The following THSD4 variants were observed in gnomAD, a reference collection of about 807,000 sequenced individuals.
THSD4 encodes thrombospondin type 1 domain containing 4, also known as thrombospondin type-1 domain-containing protein 4.
In THSD4, 69 loss-of-function variants were observed where a neutral mutation model predicts 119.0. The ratio of observed to expected loss-of-function variants is 0.58; its 90% CI spans 0.48 to 0.71. The LOEUF is 0.71. Ranked by LOEUF, THSD4 falls within the 30% of genes least tolerant of loss-of-function variation. THSD4 has a pLI of 0.00. For missense variants in THSD4, 1,393 were observed against 1,391.1 expected (o/e 1.00, Z -0.02); for synonymous variants, 524 against 540.4 (o/e 0.97, Z 0.42).
intron 8 of THSD4, among the ~76,000 whole-genome samples, chr15:71,697,101 G>A (rs1320749573): frequency 1.3e-5 from 2 of 152,218 alleles, no homozygotes; most frequent in African/African-American, 4.8e-5. Context: ...AAAAGGGGAT[G>A]ATTCAAGTGG....
intron 6 of THSD4, among the ~76,000 whole-genome samples, chr15:71,306,573 T>A (rs1354971658): frequency 6.6e-6 from 1 of 152,176 alleles, no homozygotes; most frequent in Non-Finnish European, 1.5e-5. Flanking sequence ...TTGTGTTTTA[T>A]AAAGTATGGG....
At chr15:71,444,802 GGTCTACTAA>G (rs1281923951) in intron 7 of THSD4, among the ~76,000 whole-genome samples, 1 of 152,130 alleles carries the variant, frequency 6.6e-6, no homozygotes, top group African/African-American at 2.4e-5. Flanking sequence ...CCATTGCAGT[GGTCTACTAA>G]CTAGTCTTCC....
At chr15:71,432,377 C>A (rs1157246379) in intron 7 of THSD4, among the ~76,000 whole-genome samples, 9 of 152,180 alleles carry the variant, frequency 5.9e-5, no homozygotes, top group Non-Finnish European at 2.9e-5. Flanking sequence ...GTGAAACAAT[C>A]ATTTGTTTAA....
chr15:71,307,915 G>A (rs1050749929), intron 6 of THSD4, among the ~76,000 whole-genome samples: 2 of 152,172 alleles, frequency 1.3e-5, no homozygotes, highest in Non-Finnish European at 2.9e-5. Context: ...CCTCCCAGTG[G>A]AGTTGCACAG....
At chr15:71,272,415 A>G (rs1457756576) in intron 6 of THSD4, among the ~76,000 whole-genome samples, 4 of 150,896 alleles carry the variant, frequency 2.7e-5, no homozygotes, top group South Asian at 2.1e-4. Context: ...AAAAAAAAAA[A>G]AAAAAAAAGA....
intron 2 of THSD4, among the ~76,000 whole-genome samples, chr15:71,144,762 G>A: frequency 6.6e-6 from 1 of 152,110 alleles, no homozygotes; most frequent in Non-Finnish European, 1.5e-5. Flanking sequence ...AAGAATCACA[G>A]TTAAACCTAG....
intron 6 of THSD4, among the ~76,000 whole-genome samples, chr15:71,365,179 AAGAC>A (rs1362593458): frequency 6.4e-5 from 6 of 94,142 alleles, no homozygotes; most frequent in South Asian, 3.6e-4. Flanking sequence ...GAGAGAGAGA[AAGAC>A]AGAAAAGAAG....
At chr15:71,577,990 A>G (rs1054494679) in intron 7 of THSD4, among the ~76,000 whole-genome samples, 5 of 150,910 alleles carry the variant, frequency 3.3e-5, no homozygotes, top group Non-Finnish European at 7.4e-5. Flanking sequence ...GCTACTCTCT[A>G]CCATTTCCTG....
intron 7 of THSD4, among the ~76,000 whole-genome samples, chr15:71,537,386 C>T (rs913767115): frequency 2.0e-5 from 3 of 152,010 alleles, no homozygotes; most frequent in Non-Finnish European, 4.4e-5. Context: ...CAACATGGCC[C>T]CTCCCTTTGT....
chr15:71,526,030 C>A (rs192844324), intron 7 of THSD4, among the ~76,000 whole-genome samples: 1 of 152,296 alleles, frequency 6.6e-6, no homozygotes, highest in Admixed American at 6.5e-5. Context: ...TACATCTGCT[C>A]CTGGATATAT....
At chr15:71,531,985 A>G (rs1202463375) in intron 7 of THSD4, among the ~76,000 whole-genome samples, 1 of 152,108 alleles carries the variant, frequency 6.6e-6, no homozygotes, top group African/African-American at 2.4e-5. Context: ...TTTTACTGCA[A>G]GGTCAGTTTT....
At chr15:71,508,937 A>ATT (rs56074729) in intron 7 of THSD4, among the ~76,000 whole-genome samples, 1,939 of 143,990 alleles carry the variant, frequency 0.013, 32 homozygotes, top group African/African-American at 0.036. Flanking sequence ...AAAAGGATGG[A>ATT]TTTTTTTTTT....
intron 6 of THSD4, among the ~76,000 whole-genome samples, chr15:71,406,150 T>A (rs1362111613): frequency 6.6e-6 from 1 of 152,186 alleles, no homozygotes; most frequent in African/African-American, 2.4e-5. Context: ...TGTTGTTTAA[T>A]TTCCATTATT....
intron 6 of THSD4, among the ~76,000 whole-genome samples, chr15:71,278,715 G>T (rs902138772): frequency 6.6e-6 from 1 of 152,266 alleles, no homozygotes. Context: ...GCAGGTTAGA[G>T]GGGTGGAGAA....
chr15:71,680,939 G>A (rs1314496327), intron 8 of THSD4, among the ~76,000 whole-genome samples: 5 of 131,920 alleles, frequency 3.8e-5, no homozygotes, highest in African/African-American at 1.5e-4. Flanking sequence ...TTTTTTTTGA[G>A]ATGGAATCTC....
rs149445789 is a variant in THSD4 at position 71,600,566 on chromosome 15, T to C, written c.1153-59964T>C. On this transcript the variant is annotated intron_variant, in intron 7 of 17. Coordinates refer to ENST00000261862, the MANE Select transcript of THSD4 (RefSeq NM_024817.3). ...AATTATTAATCACACCCAACCATTTTCAGTGACCCCCAAAACTGGTTCATG... is the reference window on the plus strand; with the variant it reads ...AATTATTAATCACACCCAACCATTTCCAGTGACCCCCAAAACTGGTTCATG... 2.6e-5 allele frequency among the ~76,000 whole-genome samples: 4 copies of C among 152,302 alleles called. No homozygotes were observed. In the East Asian group the frequency reaches 5.8e-4, roughly 22 times the overall value.
At chr15:71,367,227 T>A (rs1189748229) in intron 6 of THSD4, among the ~76,000 whole-genome samples, 1 of 137,760 alleles carries the variant, frequency 7.3e-6, no homozygotes, top group Non-Finnish European at 1.5e-5. Context: ...CTTTTTTTTT[T>A]TTATTTTAAA....
At chr15:71,210,163 GCTGGAAATCA>G (rs1383114292) in intron 3 of THSD4, among the ~76,000 whole-genome samples, 1 of 152,150 alleles carries the variant, frequency 6.6e-6, no homozygotes, top group African/African-American at 2.4e-5. Context: ...TCTAATCGTT[GCTGGAAATCA>G]CAGGAGGTAT....
chr15:71,181,523 C>T (rs908754592), intron 3 of THSD4, among the ~76,000 whole-genome samples: 4 of 152,110 alleles, frequency 2.6e-5, no homozygotes, highest in African/African-American at 7.2e-5. Context: ...CCAGGATTCC[C>T]CTTCAAATCT....
Sources: gnomAD v4.1 joint callset for allele counts (sites outside exome capture counted in the v4.1 genomes callset) on GRCh38, gnomAD v4.1.1 for gene constraint, MANE v1.5 for transcripts, NCBI Gene and HGNC (gene_info 2026-07-23, HGNC 2026-07-21) for gene names.